Variants in RBFOX1 observed in about 807,000 individuals in gnomAD.
The protein encoded by RBFOX1 is RNA binding fox-1 homolog 1, also known as RNA binding protein fox-1 homolog 1.
Under a neutral mutation model 57.7 loss-of-function variants are expected in RBFOX1, and 8 were observed. The ratio of observed to expected loss-of-function variants is 0.14; its 90% CI spans 0.08 to 0.25. RBFOX1 has a LOEUF of 0.25. Ranked by LOEUF, RBFOX1 falls within the 10% of genes least tolerant of loss-of-function variation. The pLI is 1.00. For synonymous variants in RBFOX1, 326 were observed against 222.4 expected (o/e 1.47, Z -4.15); for missense variants, 611 against 548.5 (o/e 1.11, Z -1.14).
At chr16:5,772,510 T>C (rs1464351803) in intron 3 of RBFOX1, among the ~76,000 whole-genome samples, 3 of 152,170 alleles carry the variant, frequency 2.0e-5, no homozygotes, top group Non-Finnish European at 2.9e-5. Flanking sequence ...AACCCAATTA[T>C]ATGACCATAA....
intron 4 of RBFOX1, among the ~76,000 whole-genome samples, chr16:5,982,908 T>C (rs542202214): frequency 6.6e-6 from 1 of 152,346 alleles, no homozygotes; most frequent in African/African-American, 2.4e-5. Flanking sequence ...TAATGAATCA[T>C]GAGTGAATGA....
intron 2 of RBFOX1, among the ~76,000 whole-genome samples, chr16:6,496,842 C>T (rs2095784158): frequency 6.6e-6 from 1 of 152,056 alleles, no homozygotes; most frequent in Non-Finnish European, 1.5e-5. Flanking sequence ...TGCCTGTAAT[C>T]CCAGCTACTC....
intron 4 of RBFOX1, among the ~76,000 whole-genome samples, chr16:7,467,428 G>C (rs544965993): frequency 6.6e-6 from 1 of 152,244 alleles, no homozygotes; most frequent in East Asian, 1.9e-4. Flanking sequence ...AGGACATTGG[G>C]ATGTAACAAC....
At chr16:6,782,398 CATCCAGTAGTT>C (rs1308656609) in intron 3 of RBFOX1, among the ~76,000 whole-genome samples, 1 of 152,126 alleles carries the variant, frequency 6.6e-6, no homozygotes, top group Non-Finnish European at 1.5e-5. Flanking sequence ...TTATTTAATT[CATCCAGTAGTT>C]ATTCAGGAGC....
intron 4 of RBFOX1, among the ~76,000 whole-genome samples, chr16:5,995,348 CT>C (rs2060472320): frequency 6.6e-6 from 1 of 152,186 alleles, no homozygotes; most frequent in Non-Finnish European, 1.5e-5. Flanking sequence ...AATAGGGCAA[CT>C]TCTGTGTAGA....
chr16:7,708,004 G>A (rs938998680), intron 14 of RBFOX1, among the ~76,000 whole-genome samples: 6 of 152,132 alleles, frequency 3.9e-5, no homozygotes, highest in Non-Finnish European at 5.9e-5. Flanking sequence ...AACAAGTATG[G>A]GCACAGGATA....
At chr16:7,510,881 T>C (rs1341619300) in intron 4 of RBFOX1, among the ~76,000 whole-genome samples, 1 of 152,136 alleles carries the variant, frequency 6.6e-6, no homozygotes, top group Admixed American at 6.5e-5. Context: ...TCAGCTGGCT[T>C]ATTAGGTTTT....
chr16:6,189,044 A>C (rs183930351), intron 1 of RBFOX1, among the ~76,000 whole-genome samples: 14 of 152,346 alleles, frequency 9.2e-5, no homozygotes, highest in African/African-American at 3.4e-4. Context: ...CTGGGCACAG[A>C]TGCTAAGTCT....
intron 3 of RBFOX1, among the ~76,000 whole-genome samples, chr16:6,873,507 A>C (rs1567661117): frequency 6.6e-6 from 1 of 152,192 alleles, no homozygotes; most frequent in Non-Finnish European, 1.5e-5. Context: ...AGGCTATGAC[A>C]GTGGATTATG....
intron 4 of RBFOX1, among the ~76,000 whole-genome samples, chr16:7,061,266 A>G (rs182475662): frequency 3.8e-4 from 58 of 152,268 alleles, no homozygotes; most frequent in Non-Finnish European, 6.2e-4. Flanking sequence ...TGTTTTTTAA[A>G]ATGTTTTTTA....
chr16:6,388,226 A>G (rs1420451779), intron 2 of RBFOX1, among the ~76,000 whole-genome samples: 1 of 151,968 alleles, frequency 6.6e-6, no homozygotes, highest in Non-Finnish European at 1.5e-5. Context: ...TCGGCCTCCC[A>G]AAGTTCTGGG....
At chr16:6,517,767 C>T (rs1367307008) in intron 2 of RBFOX1, among the ~76,000 whole-genome samples, 3 of 152,114 alleles carry the variant, frequency 2.0e-5, no homozygotes, top group African/African-American at 4.8e-5. Context: ...CCTTCATGGC[C>T]AAGATTTTTC....
intron 4 of RBFOX1, among the ~76,000 whole-genome samples, chr16:7,427,685 C>A (rs1017503578): frequency 6.7e-6 from 1 of 149,756 alleles, no homozygotes; most frequent in East Asian, 2.0e-4. Flanking sequence ...CTCTCTGTTT[C>A]CCAGGCTAGA....
intron 2 of RBFOX1, among the ~76,000 whole-genome samples, chr16:6,378,465 G>T (rs973346560): frequency 6.6e-6 from 1 of 152,204 alleles, no homozygotes; most frequent in Non-Finnish European, 1.5e-5. Context: ...ATTGTAGCCC[G>T]TCACTTTGGT....
Position 6,450,764 on chromosome 16 carries a change from TGTG to T in RBFOX1, c.-64+133708_-64+133710del, listed in dbSNP as rs1567302463. Among the ~76,000 whole-genome samples the T allele has an allele frequency of 6.3e-4, 21 of 33,342 alleles. 1 individual carries two copies. The South Asian group carries it at 0.024, about 38-fold the overall frequency. The allele number at this position is 33,342 out of a possible 152,430, so 21.9% of individuals were successfully genotyped here. A position where few individuals can be genotyped will look rare whatever the true frequency, so the allele number is the denominator to read the frequency against. On this transcript the variant is annotated intron_variant, in intron 2 of 15. Transcript: ENST00000550418. ...TTTTATATATATATACATATATATA[TGTG>T]TATATATATATATATATATATACAT...
intron 1 of RBFOX1, among the ~76,000 whole-genome samples, chr16:5,376,032 G>A (rs1331762852): frequency 6.6e-6 from 1 of 152,058 alleles, no homozygotes; most frequent in Admixed American, 6.6e-5. Context: ...GCCGGGCTTG[G>A]TGGTGGGTGC....
intron 4 of RBFOX1, among the ~76,000 whole-genome samples, chr16:6,010,528 C>A (rs2094955099): frequency 6.6e-6 from 1 of 152,222 alleles, no homozygotes; most frequent in Non-Finnish European, 1.5e-5. Flanking sequence ...TTCCTGGCTT[C>A]ACCTCCCCAG....
intron 3 of RBFOX1, among the ~76,000 whole-genome samples, chr16:6,844,834 C>T (rs965577321): frequency 2.0e-5 from 3 of 152,094 alleles, no homozygotes; most frequent in African/African-American, 7.2e-5. Context: ...TTCTCCATAA[C>T]CTTGCCAGCA....
chr16:5,298,086 G>A (rs2063712095), intron 1 of RBFOX1, among the ~76,000 whole-genome samples: 1 of 152,160 alleles, frequency 6.6e-6, no homozygotes, highest in East Asian at 1.9e-4. Context: ...ACGTATTTAA[G>A]TAAAAGATGT....
Sources: allele counts gnomAD v4.1 joint callset (sites outside exome capture counted in the v4.1 genomes callset), GRCh38; gene constraint gnomAD v4.1.1; transcripts MANE v1.5; gene names NCBI Gene and HGNC (gene_info 2026-07-23, HGNC 2026-07-21).